VAT1L: variants seen among roughly 807,000 people sequenced by gnomAD.
VAT1L encodes the protein putative NADPH-dependent quinone oxidoreductase VAT1L.
Under a neutral mutation model 44.1 loss-of-function variants are expected in VAT1L, and 34 were observed. The observed-to-expected ratio is 0.77, with a 90% CI of 0.59 to 1.03. The LOEUF is 1.03. Among genes scored for constraint, VAT1L ranks in the 50% least tolerant of loss-of-function variants. The pLI is 0.00. For missense variants in VAT1L, 615 were observed against 538.8 expected (o/e 1.14, Z -1.40); for synonymous variants, 253 against 202.2 (o/e 1.25, Z -2.13).
At chr16:77,881,191 A>G (rs1484632085) in intron 6 of VAT1L, among the ~76,000 whole-genome samples, 1 of 152,172 alleles carries the variant, frequency 6.6e-6, no homozygotes, top group Non-Finnish European at 1.5e-5. Flanking sequence ...GCTTTTCACA[A>G]GGGTTTATTT....
At chr16:77,969,349 A>G (rs2018255630) in intron 7 of VAT1L, among the ~76,000 whole-genome samples, 1 of 151,432 alleles carries the variant, frequency 6.6e-6, no homozygotes, top group Non-Finnish European at 1.5e-5. Flanking sequence ...TCTGGTTCAA[A>G]TGCCTCTGAC....
intron 2 of VAT1L, among the ~76,000 whole-genome samples, chr16:77,822,817 C>T (rs1448863542): frequency 1.3e-5 from 2 of 152,062 alleles, no homozygotes. Flanking sequence ...TCACGAGAGC[C>T]CCAGAAGACA....
At chr16:77,937,018 G>A (rs1342982898) in intron 7 of VAT1L, among the ~76,000 whole-genome samples, 3 of 152,170 alleles carry the variant, frequency 2.0e-5, no homozygotes, top group Non-Finnish European at 4.4e-5. Context: ...CCGAGTAGCT[G>A]GGATTACAGG....
In VAT1L at chr16:77,812,664, C is replaced by G. The variant is rs1467286106; in HGVS notation, c.234-4257C>G. Among the ~76,000 whole-genome samples, 3 of 152,224 alleles carry G rather than the reference C, an allele frequency of 2.0e-5. No individual in the cohort carries two copies. The East Asian group carries it at 5.8e-4, about 29-fold the overall frequency. ...AAAGCACATGGTAAACCATGCTGTACTCTACAAATATAAGAAAGTGTTATT... is the reference window on the plus strand; with the variant it reads ...AAAGCACATGGTAAACCATGCTGTAGTCTACAAATATAAGAAAGTGTTATT... On this transcript the variant is annotated intron_variant, in intron 1 of 8. Transcript: ENST00000302536.
chr16:77,882,350 T>C (rs1032225479), intron 6 of VAT1L: 4 of 152,248 alleles, frequency 2.6e-5, no homozygotes, highest in Non-Finnish European at 2.9e-5. Flanking sequence ...ACCATAACGA[T>C]GATGATACTA....
intron 3 of VAT1L, among the ~76,000 whole-genome samples, chr16:77,834,225 C>T (rs548871412): frequency 6.6e-6 from 1 of 152,262 alleles, no homozygotes; most frequent in African/African-American, 2.4e-5. Flanking sequence ...GTCCACTTTT[C>T]CTCTATTTCT....
chr16:77,940,339 G>GTT, intron 7 of VAT1L, among the ~76,000 whole-genome samples: 1 of 112,314 alleles, frequency 8.9e-6, no homozygotes, highest in African/African-American at 3.3e-5. Context: ...CATACCACTT[G>GTT]GTTTTTTTTT....
In VAT1L at chr16:77,879,263, G is replaced by A. The variant is rs1452056301; in HGVS notation, c.882+39G>A. 12 of 1,593,714 alleles carry A rather than the reference G, an allele frequency of 7.5e-6. No individual in the cohort carries two copies. The highest frequency in any genetic ancestry group is 1.7e-4 in the Middle Eastern group (1 of 6,012). On this transcript the variant is annotated intron_variant, in intron 6 of 8. Transcript: ENST00000302536. This position sits in a 1 kb window ranked among gnomAD's most constrained non-coding sequence, Gnocchi z 4.1. ...CACATCTGATGTACTGTGGTGGCAT[G>A]TTGATTCACATGTTGAGAGCTTTGT... is the stretch of plus-strand genomic sequence containing the variant.
intron 7 of VAT1L, among the ~76,000 whole-genome samples, chr16:77,958,911 G>A (rs1214395019): frequency 1.3e-5 from 2 of 152,164 alleles, no homozygotes; most frequent in Non-Finnish European, 2.9e-5. Flanking sequence ...TAGTTATCCT[G>A]TTGCCAAGTA....
chr16:77,876,309 G>A (rs903453616), intron 4 of VAT1L, 61 bp from the exon 5 acceptor site: 6 of 1,404,398 alleles, frequency 4.3e-6, no homozygotes, highest in South Asian at 1.2e-5. Flanking sequence ...GGAAAGGAAA[G>A]GGATTGACAG....
At chr16:77,796,393 A>G (rs541005741) in intron 1 of VAT1L, among the ~76,000 whole-genome samples, 2 of 152,242 alleles carry the variant, frequency 1.3e-5, no homozygotes, top group African/African-American at 4.8e-5. Flanking sequence ...TCACCACCCC[A>G]TGGGGTAGGT....
At chr16:77,917,458 G>C (rs1436585612) in intron 7 of VAT1L, among the ~76,000 whole-genome samples, 1 of 152,146 alleles carries the variant, frequency 6.6e-6, no homozygotes, top group Non-Finnish European at 1.5e-5. Context: ...ATGTAACAGA[G>C]ATAATTAAAT....
intron 7 of VAT1L, among the ~76,000 whole-genome samples, chr16:77,888,545 C>T (rs1274556375): frequency 6.6e-6 from 1 of 152,196 alleles, no homozygotes; most frequent in African/African-American, 2.4e-5. Context: ...GACAAGGTTT[C>T]TCAAAATAAG....
At chr16:77,968,056 T>G (rs531142521) in intron 7 of VAT1L, among the ~76,000 whole-genome samples, 4 of 152,336 alleles carry the variant, frequency 2.6e-5, no homozygotes, top group Admixed American at 2.6e-4. Flanking sequence ...TTTTGCAAGG[T>G]AATAATTATG....
At chr16:77,945,842 G>A (rs960994470) in intron 7 of VAT1L, among the ~76,000 whole-genome samples, 113 of 146,274 alleles carry the variant, frequency 7.7e-4, no homozygotes, top group Admixed American at 2.0e-3. Flanking sequence ...TCGCTCTGTC[G>A]CCCAGGCTGG....
chr16:77,924,903 T>C (rs1200932259), intron 7 of VAT1L, among the ~76,000 whole-genome samples: 3 of 152,226 alleles, frequency 2.0e-5, no homozygotes, highest in Admixed American at 2.0e-4. Flanking sequence ...TCAGTCTCTG[T>C]ACCTTTTCAT....
intron 1 of VAT1L, among the ~76,000 whole-genome samples, chr16:77,811,963 G>A (rs2016272565): frequency 6.6e-6 from 1 of 152,126 alleles, no homozygotes; most frequent in Non-Finnish European, 1.5e-5. Context: ...ATGAGAGCTG[G>A]GGAAGGCTTC....
At chr16:77,888,136 C>T (rs904000365) in intron 7 of VAT1L, among the ~76,000 whole-genome samples, 1 of 152,184 alleles carries the variant, frequency 6.6e-6, no homozygotes, top group Non-Finnish European at 1.5e-5. Context: ...AGAAGCCTTC[C>T]CCAGCCCCAC....
chr16:77,830,793 C>T (rs963968478), intron 3 of VAT1L, among the ~76,000 whole-genome samples: 1 of 152,238 alleles, frequency 6.6e-6, no homozygotes, highest in African/African-American at 2.4e-5. Context: ...AAGGGATTCT[C>T]ACGCCTCAGC....
Sources: allele counts gnomAD v4.1 joint callset (sites outside exome capture counted in the v4.1 genomes callset), GRCh38; gene constraint gnomAD v4.1.1; non-coding constraint Gnocchi (gnomAD v3.1); transcripts MANE v1.5; gene names NCBI Gene and HGNC (gene_info 2026-07-23, HGNC 2026-07-21).